The following PKNOX2 variants were observed in gnomAD, a reference collection of about 807,000 sequenced individuals.
PKNOX2 encodes the protein PBX/knotted 1 homeobox 2.
In PKNOX2, 14 loss-of-function variants were observed where a neutral mutation model predicts 53.1. The observed-to-expected ratio is 0.26, with a 90% CI of 0.17 to 0.41. PKNOX2 has a LOEUF of 0.41. Ranked by LOEUF, PKNOX2 falls within the 10% of genes least tolerant of loss-of-function variation. The probability of loss-of-function intolerance (pLI) is 1.00; values close to 1 mark genes in which losing one functional copy is unlikely to be tolerated. For synonymous variants in PKNOX2, 257 were observed against 242.8 expected (o/e 1.06, Z -0.54); for missense variants, 496 against 602.8 (o/e 0.82, Z 1.85).
intron 7 of PKNOX2, among the ~76,000 whole-genome samples, chr11:125,399,168 C>T (rs767215883): frequency 1.2e-4 from 18 of 152,324 alleles, no homozygotes; most frequent in Non-Finnish European, 1.9e-4. Context: ...TGTGAGACTC[C>T]GTAGTGAGTA....
intron 2 of PKNOX2, among the ~76,000 whole-genome samples, chr11:125,242,271 G>A (rs1161555746): frequency 2.0e-5 from 3 of 152,164 alleles, no homozygotes; most frequent in Non-Finnish European, 4.4e-5. Flanking sequence ...CTGTAACGGG[G>A]CCCACTGGGG....
intron 1 of PKNOX2, among the ~76,000 whole-genome samples, chr11:125,172,527 T>A (rs1009532836): frequency 1.3e-5 from 2 of 152,164 alleles, no homozygotes; most frequent in Non-Finnish European, 2.9e-5. Context: ...GGACTGGTAG[T>A]CTGAGCATGG....
At chr11:125,362,780 G>A (rs1415940075) in intron 4 of PKNOX2, among the ~76,000 whole-genome samples, 1 of 152,218 alleles carries the variant, frequency 6.6e-6, no homozygotes, top group Non-Finnish European at 1.5e-5. Context: ...TTGGGTATCA[G>A]TGAGGGCAAG....
intron 2 of PKNOX2, among the ~76,000 whole-genome samples, chr11:125,325,426 G>A (rs1321377646): frequency 6.6e-6 from 1 of 152,134 alleles, no homozygotes; most frequent in African/African-American, 2.4e-5. Context: ...ACTTTGTCTT[G>A]GAGATATGGT....
intron 6 of PKNOX2, among the ~76,000 whole-genome samples, chr11:125,393,435 C>A (rs1257187810): frequency 6.6e-6 from 1 of 152,110 alleles, no homozygotes; most frequent in Non-Finnish European, 1.5e-5. Context: ...TCCGAGGCAA[C>A]AAGGTCATCG....
chr11:125,353,901 G>C (rs1298149950), intron 4 of PKNOX2, among the ~76,000 whole-genome samples: 1 of 152,176 alleles, frequency 6.6e-6, no homozygotes, highest in Non-Finnish European at 1.5e-5. Flanking sequence ...GTGGGGCTAA[G>C]GGAAAGGAGC....
At chr11:125,391,502 T>A in intron 6 of PKNOX2, among the ~76,000 whole-genome samples, 1 of 152,218 alleles carries the variant, frequency 6.6e-6, no homozygotes, top group East Asian at 1.9e-4. Context: ...GCATACATGA[T>A]CTTATTCAGT....
chr11:125,372,397 C>T (rs1054284923), intron 5 of PKNOX2, among the ~76,000 whole-genome samples: 24 of 152,226 alleles, frequency 1.6e-4, no homozygotes, highest in African/African-American at 5.8e-4. Context: ...GCCCATCTTA[C>T]AGGCCAGTTC....
Position 125,411,500 on chromosome 11 carries a change from CTCTCTCT to C in PKNOX2, c.817-245_817-239del, listed in dbSNP as rs1955525364. 3.0e-5 allele frequency: 14 copies of C among 466,962 alleles called. 1 individual carries two copies. Among genetic ancestry groups the C allele is most frequent in the South Asian group, 8.1e-5 (4 of 49,668 alleles). The allele number at this position is 466,962 out of a possible 1,614,324, so 28.9% of individuals were successfully genotyped here. A position where few individuals can be genotyped will look rare whatever the true frequency, so the allele number is the denominator to read the frequency against. On this transcript the variant is annotated intron_variant, in intron 9 of 12. Transcript: ENST00000298282. ...TCTCTCTCTCTCTCTCTCTCTCTCTCTCTCTCTCTCCCCCCCTTCCCCATCTCTTCCT... is the reference window on the plus strand; with the variant it reads ...TCTCTCTCTCTCTCTCTCTCTCTCTCCTCCCCCCCTTCCCCATCTCTTCCT...
At chr11:125,277,886 C>A (rs1002829729) in intron 2 of PKNOX2, among the ~76,000 whole-genome samples, 1 of 152,092 alleles carries the variant, frequency 6.6e-6, no homozygotes, top group Non-Finnish European at 1.5e-5. Flanking sequence ...CATGTACCCC[C>A]CAAATATACA....
At chr11:125,236,152 C>G (rs66970478) in intron 2 of PKNOX2, among the ~76,000 whole-genome samples, 23,727 of 152,198 alleles carry the variant, frequency 0.16, 1,921 homozygotes, top group African/African-American at 0.17. Flanking sequence ...GAATGGCCGC[C>G]CTGCGATCGG....
intron 1 of PKNOX2, among the ~76,000 whole-genome samples, chr11:125,222,800 T>TGC (rs1555120848): frequency 6.6e-6 from 1 of 151,856 alleles, no homozygotes; most frequent in Admixed American, 6.6e-5. Flanking sequence ...TGTGTGTGTG[T>TGC]GTGCGTGTGT....
chr11:125,411,685 G>C, intron 9 of PKNOX2, 61 bp from the exon 10 acceptor site: 3 of 1,612,170 alleles, frequency 1.9e-6, no homozygotes, highest in Non-Finnish European at 2.5e-6. Flanking sequence ...TATGGCAACA[G>C]GTCCCCAGCC....
rs58384344 is a variant in PKNOX2, at chr11:125,218,411, G to C, written c.-200-16634G>C. 8.0e-3 allele frequency among the ~76,000 whole-genome samples: 1,210 copies of C among 151,548 alleles called. 15 individuals are homozygous for C. Among genetic ancestry groups the C allele is most frequent in the African/African-American group, 0.028 (1,148 of 41,246 alleles). On this transcript the variant is annotated intron_variant, in intron 1 of 12. Transcript: ENST00000298282. ...CTGGGTGCTGCGTGGCAGTGATGGG[G>C]GGGGGACAGGAACTTGTTCCAAAAT...
intron 1 of PKNOX2, among the ~76,000 whole-genome samples, chr11:125,195,461 C>A (rs1372234214): frequency 6.6e-6 from 1 of 152,112 alleles, no homozygotes; most frequent in Non-Finnish European, 1.5e-5. Context: ...AGACTTTCAG[C>A]AGTCGGCAGT....
intron 6 of PKNOX2, among the ~76,000 whole-genome samples, chr11:125,390,749 C>T (rs1953999075): frequency 6.6e-6 from 1 of 152,348 alleles, no homozygotes; most frequent in South Asian, 2.1e-4. Flanking sequence ...AGCCCACCCT[C>T]CTTCCTCGGT....
At chr11:125,286,163 C>A (rs1027112124) in intron 2 of PKNOX2, among the ~76,000 whole-genome samples, 1 of 151,890 alleles carries the variant, frequency 6.6e-6, no homozygotes, top group South Asian at 2.1e-4. Flanking sequence ...TGTGGATGCA[C>A]GGGAAGAAAG....
chr11:125,278,528 G>A (rs1452394612), intron 2 of PKNOX2, among the ~76,000 whole-genome samples: 2 of 152,228 alleles, frequency 1.3e-5, no homozygotes, highest in East Asian at 1.9e-4. Context: ...GAAGTCTGAT[G>A]AGTGTGGTCC....
chr11:125,390,257 T>C (rs1265998607), intron 6 of PKNOX2, among the ~76,000 whole-genome samples: 1 of 152,220 alleles, frequency 6.6e-6, no homozygotes, highest in South Asian at 2.1e-4. Flanking sequence ...ATTATCCCCA[T>C]TTTAAGAGGA....
Sources: allele counts gnomAD v4.1 joint callset (sites outside exome capture counted in the v4.1 genomes callset), GRCh38; gene constraint gnomAD v4.1.1; transcripts MANE v1.5; gene names NCBI Gene and HGNC (gene_info 2026-07-23, HGNC 2026-07-21).